The following DGCR2 variants were observed in gnomAD, a reference collection of about 807,000 sequenced individuals.
DGCR2 encodes integral membrane protein DGCR2/IDD.
In DGCR2, 24 loss-of-function variants were observed where a neutral mutation model predicts 51.6. The ratio of observed to expected loss-of-function variants is 0.47; its 90% confidence interval spans 0.34 to 0.65. DGCR2 has a LOEUF of 0.65. DGCR2 is among the 30% of genes least tolerant of loss of function. The pLI is 0.01. For missense variants in DGCR2, 765 were observed against 772.1 expected, an observed-to-expected ratio of 0.99 and a Z score of 0.11; for synonymous variants, 340 against 315.4, an observed-to-expected ratio of 1.08 and a Z score of -0.82.
intron 1 of DGCR2, among the ~76,000 whole-genome samples, chr22:19,094,513 G>A (rs746042318): frequency 3.9e-5 from 6 of 152,376 alleles, no homozygotes; most frequent in Non-Finnish European, 8.8e-5. Flanking sequence ...CCAAGTGGTG[G>A]CAAGTGTGTG....
intron 2 of DGCR2, among the ~76,000 whole-genome samples, chr22:19,079,510 G>A (rs2082913486): frequency 6.6e-6 from 1 of 152,162 alleles, no homozygotes; most frequent in Admixed American, 6.5e-5. Flanking sequence ...AGAACCTGGA[G>A]CTTCCTGGAC....
intron 1 of DGCR2, among the ~76,000 whole-genome samples, chr22:19,090,379 T>C (rs549057938): frequency 3.3e-5 from 5 of 152,316 alleles, no homozygotes; most frequent in East Asian, 3.9e-4. Context: ...CCAAGTCACA[T>C]TGGAATTGAA....
rs746311945 is a variant in DGCR2, at chr22:19,062,782, C to CATTCAT, written c.625+419_625+420insATGAAT. ...GCACACACACACATGCATGCTCACT[C>CATTCAT]TCTCTCTCTCTCTCTCTCTCTCTCT... On this transcript the variant is annotated intron_variant, in intron 5 of 9. Transcript: ENST00000263196. Among the ~76,000 whole-genome samples the CATTCAT allele has an allele frequency of 3.0e-5, 4 of 135,362 alleles. 1 individual carries two copies. The highest frequency in any genetic ancestry group is 6.5e-5 in the Non-Finnish European group (4 of 61,630). The allele number at this position is 135,362 out of a possible 152,430, so 88.8% of individuals were successfully genotyped here.
At chr22:19,121,338 A>C (rs2083429910) in intron 1 of DGCR2, among the ~76,000 whole-genome samples, 1 of 152,184 alleles carries the variant, frequency 6.6e-6, no homozygotes, top group South Asian at 2.1e-4. Context: ...AGGCTACTAA[A>C]AGTACCGTGG....
At chr22:19,113,391 A>G (rs1167895389) in intron 1 of DGCR2, among the ~76,000 whole-genome samples, 1 of 152,162 alleles carries the variant, frequency 6.6e-6, no homozygotes, top group East Asian at 1.9e-4. Context: ...ATAAAAAAAA[A>G]AAAATAACAG....
intron 5 of DGCR2, chr22:19,060,858 C>T (rs747195353): frequency 9.7e-6 from 5 of 516,056 alleles, no homozygotes; most frequent in South Asian, 5.6e-5. Flanking sequence ...GCACAGGAAC[C>T]CTGCGGAAAC....
chr22:19,062,774 T>TTCTCTCTCTCTCTCTCTC (rs1569052709), intron 5 of DGCR2, among the ~76,000 whole-genome samples: 7 of 113,868 alleles, frequency 6.1e-5, no homozygotes, highest in South Asian at 3.8e-4. Flanking sequence ...CACACATGCA[T>TTCTCTCTCTCTCTCTCTC]GCTCACTCTC....
At chr22:19,104,392 C>CAT (rs1555910315) in intron 1 of DGCR2, among the ~76,000 whole-genome samples, 3 of 41,400 alleles carry the variant, frequency 7.2e-5, no homozygotes, top group African/African-American at 7.0e-4. Flanking sequence ...AAGGCTGTCT[C>CAT]AAACTGAGCT....
At position 19,038,950 on chromosome 22, in the gene DGCR2, G is replaced by A. The variant is rs1361916651; in HGVS notation, c.1568C>T (p.Pro523Leu). The change falls in exon 10 of 10, where the codon CCT becomes CTT. Residue 523 changes from proline to leucine, a missense_variant. This residue lies in a region of DGCR2 where 205 missense variants were observed against 181.4 expected (regional missense o/e 1.13). Transcript: ENST00000263196. Reference sequence around the variant, plus strand: ...AGCTGGGGTGCTCCCGCTCTGGGCAGGGTCAGGGGGCACGAGCAGGGCGCT... The same window carrying A: ...AGCTGGGGTGCTCCCGCTCTGGGCAAGGTCAGGGGGCACGAGCAGGGCGCT... ...SSSALLVPPD[P>L]AQSGSTPAAE... 1 of 1,612,250 alleles carries A rather than the reference G, an allele frequency of 6.2e-7. No individual in the cohort carries two copies. Among genetic ancestry groups the A allele is most frequent in the African/African-American group, 1.3e-5 (1 of 74,932 alleles).
At chr22:19,082,493 T>C (rs1197703565) in intron 2 of DGCR2, among the ~76,000 whole-genome samples, 1 of 152,134 alleles carries the variant, frequency 6.6e-6, no homozygotes, top group African/African-American at 2.4e-5. Flanking sequence ...CATGCACCTG[T>C]AATCCCAGCA....
intron 3 of DGCR2, among the ~76,000 whole-genome samples, chr22:19,067,687 C>T (rs2082764547): frequency 7.0e-6 from 1 of 142,254 alleles, no homozygotes; most frequent in Non-Finnish European, 1.5e-5. Flanking sequence ...CGTGAGACTC[C>T]GTCTCTAAAT....
chr22:19,065,920 TC>T (rs1427272054), intron 3 of DGCR2: 6 of 152,066 alleles, frequency 3.9e-5, no homozygotes, highest in African/African-American at 1.5e-4. Flanking sequence ...TAGTAAAACT[TC>T]TAGACACGTA....
At chr22:19,105,317 C>G (rs572458137) in intron 1 of DGCR2, among the ~76,000 whole-genome samples, 3 of 152,150 alleles carry the variant, frequency 2.0e-5, no homozygotes, top group African/African-American at 7.2e-5. Flanking sequence ...GCATGAGACT[C>G]CATCTCAAAA....
chr22:19,076,981 C>G (rs999831067), intron 2 of DGCR2, among the ~76,000 whole-genome samples: 1 of 152,118 alleles, frequency 6.6e-6, no homozygotes, highest in African/African-American at 2.4e-5. Flanking sequence ...CCGCCGGCCT[C>G]CCAAAGTGCT....
intron 1 of DGCR2, among the ~76,000 whole-genome samples, chr22:19,117,280 G>A (rs909927896): frequency 1.1e-4 from 16 of 152,246 alleles, no homozygotes; most frequent in African/African-American, 2.9e-4. Context: ...CAGCGAAGGC[G>A]CAGCCTAACA....
intron 6 of DGCR2, among the ~76,000 whole-genome samples, chr22:19,052,498 C>T (rs1165410315): frequency 6.6e-6 from 1 of 151,816 alleles, no homozygotes; most frequent in African/African-American, 2.4e-5. Context: ...CGGATGTTCA[C>T]GGCAGTTTTC....
At position 19,080,482 on chromosome 22, in the gene DGCR2, C is replaced by T. The variant is rs142701505; in HGVS notation, c.202+8886G>A. Among the ~76,000 whole-genome samples, 70 of 152,332 alleles carry T rather than the reference C, an allele frequency of 4.6e-4. 1 individual carries two copies. Among genetic ancestry groups the T allele is most frequent in the African/African-American group, 1.6e-3 (67 of 41,578 alleles). On this transcript the variant is annotated intron_variant, in intron 2 of 9. Coordinates refer to ENST00000263196, the MANE Select transcript of DGCR2 (RefSeq NM_005137.3). ...TGGTGTGTATTTTACACCTGCTGCA[C>T]ATCTTCCTTCAAAACAGCCACATGT...
At chr22:19,074,426 A>G (rs1027933721) in intron 2 of DGCR2, among the ~76,000 whole-genome samples, 1 of 151,986 alleles carries the variant, frequency 6.6e-6, no homozygotes, top group Admixed American at 6.6e-5. Flanking sequence ...AAAAAAAAAA[A>G]AAAGTGAAAA....
At chr22:19,083,402 C>G (rs557756459) in intron 2 of DGCR2, among the ~76,000 whole-genome samples, 1 of 152,216 alleles carries the variant, frequency 6.6e-6, no homozygotes, top group South Asian at 2.1e-4. Context: ...CCTCATTCCT[C>G]TTCTTCACAA....
Sources: allele counts gnomAD v4.1 joint callset (sites outside exome capture counted in the v4.1 genomes callset), GRCh38; gene constraint gnomAD v4.1.1; regional missense constraint gnomAD v4.1.1; transcripts MANE v1.5; gene names NCBI Gene and HGNC (gene_info 2026-07-23, HGNC 2026-07-21).